The following NR1H4 variants were observed in gnomAD, a reference collection of about 807,000 sequenced individuals.
The protein encoded by NR1H4 is nuclear receptor subfamily 1 group H member 4, also known as bile acid receptor.
In NR1H4, 23 loss-of-function variants were observed where a neutral mutation model predicts 58.5. That is an observed-to-expected ratio of 0.39 (90% CI 0.28 to 0.56). NR1H4 has a LOEUF of 0.56. NR1H4 is among the 20% of genes least tolerant of loss of function. The pLI, the probability that NR1H4 is intolerant of heterozygous loss-of-function variation, is 0.58. For missense variants in NR1H4, 487 were observed against 576.9 expected, an observed-to-expected ratio of 0.84 and a Z score of 1.60; for synonymous variants, 214 against 198.0, an observed-to-expected ratio of 1.08 and a Z score of -0.68.
chr12:100,512,457 G>A (rs559294101), intron 4 of NR1H4, among the ~76,000 whole-genome samples: 1 of 151,994 alleles, frequency 6.6e-6, no homozygotes, highest in Non-Finnish European at 1.5e-5. Flanking sequence ...TGACTAACAC[G>A]GTGAAACCCC....
intron 3 of NR1H4, among the ~76,000 whole-genome samples, chr12:100,506,908 T>A (rs927822609): frequency 5.3e-5 from 8 of 152,238 alleles, no homozygotes; most frequent in Non-Finnish European, 1.2e-4. Flanking sequence ...TGTGAAAGCT[T>A]TCCATTTTGA....
intron 3 of NR1H4, chr12:100,505,912 A>G: frequency 3.2e-6 from 1 of 309,214 alleles, no homozygotes; most frequent in South Asian, 4.2e-5. Context: ...AAAACACACA[A>G]ACAAGAGAAA....
At chr12:100,495,709 C>T (rs568729844) in intron 3 of NR1H4, among the ~76,000 whole-genome samples, 1 of 151,794 alleles carries the variant, frequency 6.6e-6, no homozygotes, top group East Asian at 1.9e-4. Flanking sequence ...AGCCTGGTGA[C>T]AGAGTGAGGC....
At chr12:100,476,563 A>C (rs1038482561) in intron 1 of NR1H4, among the ~76,000 whole-genome samples, 4 of 152,204 alleles carry the variant, frequency 2.6e-5, no homozygotes, top group African/African-American at 9.7e-5. Flanking sequence ...ATGAGAATGC[A>C]TATCATGATG....
chr12:100,480,800 G>A (rs1566424909), intron 1 of NR1H4, among the ~76,000 whole-genome samples: 3 of 152,208 alleles, frequency 2.0e-5, no homozygotes, highest in South Asian at 4.1e-4. Flanking sequence ...TTCTCTGCTG[G>A]TTATGCCTGG....
chr12:100,526,633 A>G (rs1954564591), intron 4 of NR1H4, among the ~76,000 whole-genome samples: 1 of 152,204 alleles, frequency 6.6e-6, no homozygotes. Flanking sequence ...TTCAAAGTGA[A>G]CAACTCAGCC....
intron 4 of NR1H4, among the ~76,000 whole-genome samples, chr12:100,513,552 T>C (rs1954177910): frequency 6.6e-6 from 1 of 152,102 alleles, no homozygotes; most frequent in African/African-American, 2.4e-5. Context: ...CCCAGCACTA[T>C]GGGAGGCCGA....
In NR1H4 at chr12:100,536,932, T is replaced by A. The variant is rs11110413; in HGVS notation, c.832-16T>A. The A allele has an allele frequency of 0.023, 33,012 of 1,415,698 alleles. 4,703 individuals carry two copies. The African/African-American group carries it at 0.36, about 15-fold the overall frequency. The allele number at this position is 1,415,698 out of a possible 1,614,324, so 87.7% of individuals were successfully genotyped here. On this transcript the variant is annotated splice_polypyrimidine_tract_variant and intron_variant, in intron 7 of 10. Coordinates refer to ENST00000392986, the MANE Select transcript of NR1H4 (RefSeq NM_001206979.2). ...TTATCTACTTTTTAATCATTGGTTT[T>A]TTTCTTAAAATTTAGTTAAAAGAAG...
At chr12:100,540,007 C>T (rs1021642041) in intron 8 of NR1H4, among the ~76,000 whole-genome samples, 6 of 152,086 alleles carry the variant, frequency 3.9e-5, no homozygotes, top group Non-Finnish European at 1.5e-5. Flanking sequence ...GTGGCTGGAA[C>T]ACAAAGAGTA....
intron 4 of NR1H4, among the ~76,000 whole-genome samples, chr12:100,525,936 CT>C (rs1376965533): frequency 6.6e-6 from 1 of 152,050 alleles, no homozygotes; most frequent in Non-Finnish European, 1.5e-5. Flanking sequence ...CTTTATTTTT[CT>C]TTTAATGTCC....
chr12:100,550,264 G>A (rs1373290917), intron 9 of NR1H4, among the ~76,000 whole-genome samples: 1 of 152,070 alleles, frequency 6.6e-6, no homozygotes, highest in African/African-American at 2.4e-5. Context: ...CAAACTAGGG[G>A]TTTAAGTTGG....
intron 9 of NR1H4, 55 bp downstream of exon 9, chr12:100,540,873 G>A (rs1246475708): frequency 1.3e-6 from 2 of 1,569,930 alleles, no homozygotes; most frequent in South Asian, 2.2e-5. Flanking sequence ...AAATTGGTGT[G>A]CTTCATGAGG....
rs951713618 is a variant in NR1H4, at chr12:100,524,429, G to A, written c.446-8029G>A. ...GGGGACCAGGTGCCGGTCACTGTGG[G>A]CCACTAGCTTCTGGGGGTTTGCCTA... On this transcript the variant is annotated intron_variant, in intron 4 of 10. Coordinates refer to ENST00000392986, the MANE Select transcript of NR1H4 (RefSeq NM_001206979.2). 1.8e-4 allele frequency among the ~76,000 whole-genome samples: 27 copies of A among 152,118 alleles called. 1 individual carries two copies. In the East Asian group the frequency reaches 1.9e-3, roughly 11 times the overall value.
chr12:100,552,692 G>T (rs1460434499), intron 9 of NR1H4, among the ~76,000 whole-genome samples: 2 of 152,188 alleles, frequency 1.3e-5, no homozygotes, highest in Admixed American at 6.5e-5. Flanking sequence ...GGAGGCCAAG[G>T]TGGAAGGATT....
chr12:100,522,494 G>C (rs1348884385), intron 4 of NR1H4, among the ~76,000 whole-genome samples: 1 of 151,456 alleles, frequency 6.6e-6, no homozygotes, highest in Non-Finnish European at 1.5e-5. Flanking sequence ...AAAAAAATGG[G>C]ATATTATTTT....
chr12:100,537,197 C>T (rs1272597555), intron 8 of NR1H4, 150 bp downstream of exon 8: 15 of 618,052 alleles, frequency 2.4e-5, no homozygotes, highest in Non-Finnish European at 4.3e-5. Context: ...CAAGTATTTT[C>T]ACATGTACTT....
At chr12:100,557,791 C>T (rs955021284) in intron 9 of NR1H4, among the ~76,000 whole-genome samples, 5 of 152,178 alleles carry the variant, frequency 3.3e-5, no homozygotes, top group African/African-American at 9.7e-5. Flanking sequence ...TACTCTTTAG[C>T]GTCTGGAATC....
chr12:100,510,708 T>TA, intron 3 of NR1H4, 70 bp from the exon 4 acceptor site: 1 of 1,576,338 alleles, frequency 6.3e-7, no homozygotes, highest in South Asian at 1.1e-5. Context: ...TCCTAACCAT[T>TA]ACGCCAAACT....
At chr12:100,545,080 T>C (rs1171280999) in intron 9 of NR1H4, among the ~76,000 whole-genome samples, 2 of 152,152 alleles carry the variant, frequency 1.3e-5, no homozygotes, top group African/African-American at 4.8e-5. Flanking sequence ...GTGGTTGTTC[T>C]ATCTTTCTTT....
Sources: gnomAD v4.1 joint callset for allele counts (sites outside exome capture counted in the v4.1 genomes callset) on GRCh38, gnomAD v4.1.1 for gene constraint, MANE v1.5 for transcripts, NCBI Gene and HGNC (gene_info 2026-07-23, HGNC 2026-07-21) for gene names.